MGST1: variants seen among roughly 807,000 people sequenced by gnomAD.
The protein encoded by MGST1 is microsomal glutathione S-transferase 1.
Under a neutral mutation model 8.9 loss-of-function variants are expected in MGST1, and 5 were observed. That is an observed-to-expected ratio of 0.56 (90% CI 0.29 to 1.19). The LOEUF is 1.19. Among genes scored for constraint, MGST1 ranks in the 50% most tolerant of loss-of-function variants. The probability of loss-of-function intolerance (pLI) is 0.08; values close to 1 mark genes in which losing one functional copy is unlikely to be tolerated. For synonymous variants in MGST1, 54 were observed against 67.8 expected, an observed-to-expected ratio of 0.80 and a Z score of 1.00; for missense variants, 182 against 187.4, an observed-to-expected ratio of 0.97 and a Z score of 0.17.
At chr12:16,514,132 C>T in intron 4 of MGST1, 1 of 365,594 alleles carries the variant, frequency 2.7e-6, no homozygotes, top group Non-Finnish European at 5.3e-6. Context: ...CAAGGCTTTG[C>T]CAGTGGCAAT....
At chr12:16,440,530 C>T (rs929903858), downstream of MGST1, among the ~76,000 whole-genome samples, 2 of 151,718 alleles carry the variant, frequency 1.3e-5, no homozygotes, top group African/African-American at 4.8e-5. Flanking sequence ...TTGTCTAACT[C>T]AACATAATGT....
At chr12:16,495,550 A>G (rs1941464433) in intron 4 of MGST1, among the ~76,000 whole-genome samples, 1 of 152,150 alleles carries the variant, frequency 6.6e-6, no homozygotes, top group African/African-American at 2.4e-5. Context: ...TGCTCATGGT[A>G]TATGTAGGTC....
Position 16,364,404 on chromosome 12 carries a change from A to G in MGST1, c.*363A>G. On this transcript the variant is annotated 3_prime_UTR_variant, in exon 4 of 4. Transcript: ENST00000396210. This position sits in a 1 kb window ranked among gnomAD's most constrained non-coding sequence, Gnocchi z 5.7. ...AACAGACATGAAATAAAGAATTTAA[A>G]GAATGATTTTGTTTGGTTTTATTTT... The G allele has an allele frequency of 1.0e-6, 1 of 987,960 alleles. No individual in the cohort carries two copies. Among genetic ancestry groups the G allele is most frequent in the African/African-American group, 1.7e-5 (1 of 57,554 alleles). The allele number at this position is 987,960 out of a possible 1,614,324, so 61.2% of individuals were successfully genotyped here.
intron 4 of MGST1, among the ~76,000 whole-genome samples, chr12:16,577,496 C>T (rs1943031046): frequency 6.6e-6 from 1 of 152,156 alleles, no homozygotes; most frequent in Non-Finnish European, 1.5e-5. Context: ...CTCCCTCCTT[C>T]TACCCTCCAG....
At chr12:16,384,706 C>T (rs1383928974) in intron 1 of MGST1, among the ~76,000 whole-genome samples, 1 of 152,204 alleles carries the variant, frequency 6.6e-6, no homozygotes, top group East Asian at 1.9e-4. Context: ...GGGAAGAATC[C>T]CAATCACAGG....
In MGST1 at chr12:16,401,031, T is replaced by C; in HGVS notation, n.778+17427T>C. On this transcript the variant is annotated intron_variant and non_coding_transcript_variant, in intron 1 of 1. Transcript: ENST00000359720. The surrounding 1 kb of genome is among the most constrained non-coding windows in gnomAD (Gnocchi z 4.3). ...TTCTCTTCTGCAGTCATTTCATTCC[T>C]GTTCTTTCTGTAAGTAATGCTGCCC... The C allele has an allele frequency of 6.3e-7, 1 of 1,586,988 alleles. No homozygotes were observed. The highest frequency in any genetic ancestry group is 1.3e-5 in the African/African-American group (1 of 74,526).
At chr12:16,562,270 C>G (rs1942434091) in intron 4 of MGST1, among the ~76,000 whole-genome samples, 1 of 152,102 alleles carries the variant, frequency 6.6e-6, no homozygotes, top group African/African-American at 2.4e-5. Flanking sequence ...TAGGAGATCA[C>G]TTACATGTGC....
At chr12:16,384,312 C>G (rs1020497625) in intron 1 of MGST1, among the ~76,000 whole-genome samples, 1 of 152,142 alleles carries the variant, frequency 6.6e-6, no homozygotes, top group African/African-American at 2.4e-5. Context: ...TTTGGGCAGA[C>G]ATAATTAAGT....
chr12:16,472,803 C>A (rs535040308), intron 4 of MGST1, among the ~76,000 whole-genome samples: 1 of 151,974 alleles, frequency 6.6e-6, no homozygotes, highest in Non-Finnish European at 1.5e-5. Flanking sequence ...TTTCAATTGG[C>A]GTTGTACTGA....
chr12:16,440,275 A>G (rs1476201382), downstream of MGST1, among the ~76,000 whole-genome samples: 1 of 151,778 alleles, frequency 6.6e-6, no homozygotes, highest in African/African-American at 2.4e-5. Context: ...ACACACATAC[A>G]CAGTAAAGCG....
chr12:16,414,883 G>T (rs1160752049), intron 1 of MGST1, among the ~76,000 whole-genome samples: 2 of 152,116 alleles, frequency 1.3e-5, no homozygotes, highest in African/African-American at 4.8e-5. Context: ...AATTAGCCGG[G>T]CGTGATGGCA....
In MGST1 at chr12:16,537,068, C is replaced by T. The variant is rs1158921450; in HGVS notation, n.483-52460C>T. 6.6e-6 allele frequency among the ~76,000 whole-genome samples: 1 copy of T among 152,146 alleles called. No individual in the cohort carries two copies. Among genetic ancestry groups the T allele is most frequent in the African/African-American group, 2.4e-5 (1 of 41,412 alleles). ...AGGCAAGTCCCTTCTGCCTATGAAC[C>T]TGTAAAGTCAAAAGCAAGTTAGTTA... On this transcript the variant is annotated intron_variant and non_coding_transcript_variant, in intron 4 of 4. Transcript: ENST00000538857. The surrounding 1 kb of genome is among the most constrained non-coding windows in gnomAD (Gnocchi z 4.6).
chr12:16,557,343 C>A (rs1250778990), intron 4 of MGST1, among the ~76,000 whole-genome samples: 1 of 149,046 alleles, frequency 6.7e-6, no homozygotes, highest in Non-Finnish European at 1.5e-5. Context: ...GAAATACTAT[C>A]TTTCATCCCT....
chr12:16,518,477 A>G (rs1280148932), intron 4 of MGST1, among the ~76,000 whole-genome samples: 1 of 152,230 alleles, frequency 6.6e-6, no homozygotes, highest in East Asian at 1.9e-4. Context: ...AACACTAGTC[A>G]AAATGATTGC....
rs1942103833 is a variant in MGST1 at position 16,554,308 on chromosome 12, C to T, written n.483-35220C>T. Among the ~76,000 whole-genome samples, 4 of 152,342 alleles carry T rather than the reference C, an allele frequency of 2.6e-5. 1 individual carries two copies. The South Asian group carries it at 8.3e-4, about 32-fold the overall frequency. On this transcript the variant is annotated intron_variant and non_coding_transcript_variant, in intron 4 of 4. Transcript: ENST00000538857. ...ATAAAAATGTTAGCCTAGCCATCTT[C>T]TTTCCCTAATGTTAGTGACTGACAA...
Position 16,537,285 on chromosome 12 carries a change from G to C in MGST1, n.483-52243G>C, listed in dbSNP as rs1941761672. ...CCAGGTCATGCTGATGCAAGAGGTA[G>C]GTTCCCATAGTCTTGGGCAACTCCA... On this transcript the variant is annotated intron_variant and non_coding_transcript_variant, in intron 4 of 4. Transcript: ENST00000538857. The surrounding 1 kb of genome is among the most constrained non-coding windows in gnomAD (Gnocchi z 4.6). Among the ~76,000 whole-genome samples, 1 of 152,206 alleles carries C rather than the reference G, an allele frequency of 6.6e-6. No homozygotes were observed. The highest frequency in any genetic ancestry group is 1.5e-5 in the Non-Finnish European group (1 of 68,040).
intron 4 of MGST1, among the ~76,000 whole-genome samples, chr12:16,557,955 GATA>G (rs1451049070): frequency 6.6e-6 from 1 of 151,924 alleles, no homozygotes; most frequent in Non-Finnish European, 1.5e-5. Context: ...TGATAATACT[GATA>G]ATATTTACAG....
At chr12:16,366,205 C>G (rs184277840), downstream of MGST1, among the ~76,000 whole-genome samples, 1 of 152,036 alleles carries the variant, frequency 6.6e-6, no homozygotes, top group Admixed American at 6.6e-5. The surrounding 1 kb of genome is among the most constrained non-coding windows in gnomAD (Gnocchi z 4.0). Flanking sequence ...GCAGAACACA[C>G]GTAAGGAAAA....
intron 1 of MGST1, among the ~76,000 whole-genome samples, chr12:16,349,527 G>A (rs1455171939): frequency 6.6e-6 from 1 of 151,810 alleles, no homozygotes; most frequent in Non-Finnish European, 1.5e-5. Flanking sequence ...TGTGAATTTG[G>A]GTCATATTAC....
Sources: gnomAD v4.1 joint callset for allele counts (sites outside exome capture counted in the v4.1 genomes callset) on GRCh38, gnomAD v4.1.1 for gene constraint, Gnocchi (gnomAD v3.1) non-coding constraint, MANE v1.5 for transcripts, NCBI Gene and HGNC (gene_info 2026-07-23, HGNC 2026-07-21) for gene names.